GRM8: variants seen among roughly 807,000 people sequenced by gnomAD.
GRM8 encodes the protein metabotropic glutamate receptor 8.
A neutral mutation model predicts 87.2 loss-of-function variants in GRM8; 47 were observed. The observed-to-expected ratio is 0.54, with a 90% CI of 0.43 to 0.69. GRM8 has a LOEUF of 0.69. Among genes scored for constraint, GRM8 ranks in the 30% least tolerant of loss-of-function variants. GRM8 has a pLI of 0.00. For synonymous variants in GRM8, 396 were observed against 404.5 expected, an observed-to-expected ratio of 0.98 and a Z score of 0.25; for missense variants, 1,019 against 1,139.2, an observed-to-expected ratio of 0.89 and a Z score of 1.52.
chr7:126,691,719 A>G (rs903343923), intron 7 of GRM8, among the ~76,000 whole-genome samples: 5 of 152,162 alleles, frequency 3.3e-5, no homozygotes, highest in Non-Finnish European at 7.3e-5. Context: ...GGCCCCCACA[A>G]GGATGAAAGT....
At chr7:126,745,157 TTA>T (rs1347812284) in intron 7 of GRM8, among the ~76,000 whole-genome samples, 1 of 151,622 alleles carries the variant, frequency 6.6e-6, no homozygotes, top group South Asian at 2.1e-4. Context: ...GATTTAGAAT[TTA>T]TATGTTAGGA....
At chr7:126,929,410 G>A (rs1476324321) in intron 3 of GRM8, among the ~76,000 whole-genome samples, 1 of 152,036 alleles carries the variant, frequency 6.6e-6, no homozygotes, top group Non-Finnish European at 1.5e-5. Context: ...AAAAAACTGA[G>A]TTTTAAATTT....
At chr7:126,973,805 T>C (rs572015585) in intron 3 of GRM8, among the ~76,000 whole-genome samples, 1 of 152,244 alleles carries the variant, frequency 6.6e-6, no homozygotes, top group South Asian at 2.1e-4. Flanking sequence ...AAATGAAACA[T>C]AGAAAAATAC....
At chr7:126,885,004 C>T (rs13311908) in intron 6 of GRM8, among the ~76,000 whole-genome samples, 2 of 152,184 alleles carry the variant, frequency 1.3e-5, no homozygotes, top group African/African-American at 2.4e-5. Flanking sequence ...TAGTATATCC[C>T]TCTGTACATC....
intron 3 of GRM8, among the ~76,000 whole-genome samples, chr7:126,960,223 C>T (rs1809166207): frequency 6.6e-6 from 1 of 152,132 alleles, no homozygotes; most frequent in Admixed American, 6.5e-5. Context: ...TATATATCAT[C>T]TTTGTCATCA....
intron 7 of GRM8, among the ~76,000 whole-genome samples, chr7:126,639,209 T>A (rs1158238196): frequency 6.6e-6 from 1 of 152,194 alleles, no homozygotes; most frequent in East Asian, 1.9e-4. Context: ...TTTGCTTGCA[T>A]CTCTCTTTAG....
At position 126,446,361 on chromosome 7, in the gene GRM8, C is replaced by G; in HGVS notation, c.2442G>C (p.Gln814His). Residue 814 changes from glutamine (Q) to histidine (H), a missense_variant, in exon 10 of 11, where the codon CAG becomes CAC. By Grantham distance (24) the Gln-to-His change is conservative (BLOSUM62 0). Transcript: ENST00000339582. ...TAQSAEKMYIQTTTLTVSMSL... is the reference protein window; with the variant it reads ...TAQSAEKMYIHTTTLTVSMSL... ...TCATGGAGACAGTAAGTGTTGTTGT[C>G]TGGATGTACATCTGAGGGAAGAAAA... 6.2e-7 allele frequency: 1 copy of G among 1,601,498 alleles called. No individual in the cohort carries two copies. Among genetic ancestry groups the G allele is most frequent in the Non-Finnish European group, 8.5e-7 (1 of 1,171,338 alleles).
intron 7 of GRM8, among the ~76,000 whole-genome samples, chr7:126,714,424 G>A (rs1585633739): frequency 6.6e-6 from 1 of 151,996 alleles, no homozygotes; most frequent in Admixed American, 6.6e-5. Context: ...CTATCAAGGA[G>A]GTTCTCTTAT....
intron 3 of GRM8, among the ~76,000 whole-genome samples, chr7:127,007,991 C>G (rs1814486183): frequency 6.6e-6 from 1 of 151,882 alleles, no homozygotes; most frequent in African/African-American, 2.4e-5. Context: ...GCACCCAGAT[C>G]CTGAAAATCA....
intron 6 of GRM8, among the ~76,000 whole-genome samples, chr7:126,844,576 C>T (rs2130636767): frequency 6.6e-6 from 1 of 152,224 alleles, no homozygotes; most frequent in East Asian, 1.9e-4. Context: ...TGTCTGTTTG[C>T]TCAGGCTGCC....
intron 6 of GRM8, among the ~76,000 whole-genome samples, chr7:126,833,031 C>T (rs1402589476): frequency 6.6e-6 from 1 of 152,300 alleles, no homozygotes; most frequent in East Asian, 1.9e-4. Context: ...ATGGTATTCT[C>T]AAATTTAATG....
chr7:126,862,878 G>C (rs1798254085), intron 6 of GRM8, among the ~76,000 whole-genome samples: 1 of 151,910 alleles, frequency 6.6e-6, no homozygotes, highest in Non-Finnish European at 1.5e-5. Context: ...CCATGGGCTT[G>C]TCTATTTTAA....
chr7:126,852,261 C>A (rs750916493), intron 6 of GRM8, among the ~76,000 whole-genome samples: 1 of 152,106 alleles, frequency 6.6e-6, no homozygotes, highest in Non-Finnish European at 1.5e-5. Context: ...GCAGCCAGGC[C>A]CAGCATGAGC....
chr7:126,633,959 A>G (rs1417805832), intron 7 of GRM8, among the ~76,000 whole-genome samples: 1 of 151,988 alleles, frequency 6.6e-6, no homozygotes, highest in Non-Finnish European at 1.5e-5. Context: ...AAAAATGCCT[A>G]TTTTATCTTA....
intron 2 of GRM8, among the ~76,000 whole-genome samples, chr7:127,192,208 A>G (rs1243608312): frequency 6.6e-6 from 1 of 152,246 alleles, no homozygotes; most frequent in East Asian, 1.9e-4. Flanking sequence ...TGGAGGAAGT[A>G]AACAGAGCAA....
intron 2 of GRM8, among the ~76,000 whole-genome samples, chr7:127,126,531 T>A (rs1020106171): frequency 6.6e-6 from 1 of 152,012 alleles, no homozygotes; most frequent in Non-Finnish European, 1.5e-5. Context: ...CAATGAACAT[T>A]ATTCAGGTGA....
intron 3 of GRM8, among the ~76,000 whole-genome samples, chr7:127,028,194 T>C (rs1017550415): frequency 6.6e-6 from 1 of 152,256 alleles, no homozygotes; most frequent in Non-Finnish European, 1.5e-5. Context: ...AACTTGATCA[T>C]GGCAGATAAG....
At chr7:127,159,307 A>G (rs1384354352) in intron 2 of GRM8, among the ~76,000 whole-genome samples, 1 of 152,240 alleles carries the variant, frequency 6.6e-6, no homozygotes, top group Non-Finnish European at 1.5e-5. Flanking sequence ...ACTTGTGAGC[A>G]CAGAAAATTA....
At chr7:126,469,770 G>A (rs576276812) in intron 9 of GRM8, among the ~76,000 whole-genome samples, 2 of 152,262 alleles carry the variant, frequency 1.3e-5, no homozygotes, top group East Asian at 1.9e-4. Flanking sequence ...TCTCGAGTAT[G>A]TCTTCATTAG....
Sources: allele counts gnomAD v4.1 joint callset (sites outside exome capture counted in the v4.1 genomes callset), GRCh38; gene constraint gnomAD v4.1.1; transcripts MANE v1.5; gene names NCBI Gene and HGNC (gene_info 2026-07-23, HGNC 2026-07-21).